The following POU2AF1 variants were observed in gnomAD, a reference collection of about 807,000 sequenced individuals.
POU2AF1 encodes POU domain class 2-associating factor 1.
Under a neutral mutation model 26.3 loss-of-function variants are expected in POU2AF1, and 12 were observed. That is an observed-to-expected ratio of 0.46 (90% CI 0.29 to 0.74). The LOEUF (loss-of-function observed/expected upper bound fraction) is 0.74, where lower values mean the gene tolerates loss of function less well. Among genes scored for constraint, POU2AF1 ranks in the 30% least tolerant of loss-of-function variants. POU2AF1 has a pLI of 0.09. For synonymous variants in POU2AF1, 175 were observed against 148.0 expected (o/e 1.18, Z -1.32); for missense variants, 297 against 334.5 (o/e 0.89, Z 0.87).
intron 1 of POU2AF1, among the ~76,000 whole-genome samples, chr11:111,361,079 T>C (rs1306549084): frequency 6.6e-6 from 1 of 152,138 alleles, no homozygotes; most frequent in Non-Finnish European, 1.5e-5. Context: ...TATTTTAACT[T>C]CCCCTGTCTG....
intron 1 of POU2AF1, among the ~76,000 whole-genome samples, chr11:111,374,280 A>G (rs1861267871): frequency 1.3e-5 from 2 of 152,170 alleles, no homozygotes; most frequent in African/African-American, 4.8e-5. Context: ...CATCAAGAAC[A>G]TCATCTGCTT....
intron 1 of POU2AF1, chr11:111,359,281 T>G (rs754365550): frequency 3.7e-6 from 1 of 268,156 alleles, no homozygotes; most frequent in African/African-American, 2.3e-5. Context: ...CCTCCTCATC[T>G]GTGGTTGAGG....
At chr11:111,362,956 C>G (rs2135122494) in intron 1 of POU2AF1, 1 of 195,850 alleles carries the variant, frequency 5.1e-6, no homozygotes, top group South Asian at 1.8e-4. Flanking sequence ...GTGGACACAC[C>G]ACACACTTGG....
chr11:111,376,566 C>CA (rs1480288177), intron 1 of POU2AF1, among the ~76,000 whole-genome samples: 1 of 152,168 alleles, frequency 6.6e-6, no homozygotes, highest in Non-Finnish European at 1.5e-5. Context: ...AACCAAAAGC[C>CA]AGGGTTCACA....
At chr11:111,377,773 C>T (rs1480786674) in intron 1 of POU2AF1, 2 of 182,590 alleles carry the variant, frequency 1.1e-5, no homozygotes, top group African/African-American at 4.7e-5. Flanking sequence ...TGAATGCCCA[C>T]CTGCTCTCAT....
chr11:111,376,835 G>T (rs748624749), intron 1 of POU2AF1, among the ~76,000 whole-genome samples: 4 of 152,106 alleles, frequency 2.6e-5, no homozygotes. Context: ...AGTCACCCAG[G>T]TGCCCTCTAT....
intron 1 of POU2AF1, among the ~76,000 whole-genome samples, chr11:111,360,420 G>C (rs1860983638): frequency 6.6e-6 from 1 of 152,182 alleles, no homozygotes; most frequent in African/African-American, 2.4e-5. Context: ...CTCCCTCCAG[G>C]CTCCAGCCAC....
chr11:111,364,977 T>C (rs1861077796), intron 1 of POU2AF1, among the ~76,000 whole-genome samples: 1 of 152,254 alleles, frequency 6.6e-6, no homozygotes, highest in South Asian at 2.1e-4. Context: ...TTCCTTGATT[T>C]AAGCAATATC....
rs1861043016 is a variant in POU2AF1, at chr11:111,363,153, A to G, written c.17-4235T>C. ...GGTGTGCCCTGGCACAACAGACCAT[A>G]TGTGGGGCAATCTCTAAGTCCCCAC... On this transcript the variant is annotated intron_variant, in intron 1 of 4. Coordinates refer to ENST00000393067, the MANE Select transcript of POU2AF1 (RefSeq NM_006235.3). The G allele has an allele frequency of 4.9e-6, 5 of 1,012,038 alleles. No homozygotes were observed. The South Asian group carries it at 2.3e-4, about 47-fold the overall frequency. 62.7% of individuals were successfully genotyped at this position (1,012,038 alleles called of 1,614,324 possible).
intron 1 of POU2AF1, among the ~76,000 whole-genome samples, chr11:111,360,971 A>C (rs1212181249): frequency 6.6e-6 from 1 of 151,758 alleles, no homozygotes; most frequent in African/African-American, 2.4e-5. Context: ...TCTGTCCAGT[A>C]TTTCTGAAAA....
chr11:111,358,729 GACAC>G, intron 2 of POU2AF1, 55 bp downstream of exon 2: 13 of 1,508,676 alleles, frequency 8.6e-6, no homozygotes, highest in Admixed American at 4.0e-5. Context: ...CACTATCCCT[GACAC>G]ACACATTCTC....
chr11:111,377,969 A>G (rs1471683513), intron 1 of POU2AF1: 1 of 168,594 alleles, frequency 5.9e-6, no homozygotes, highest in Admixed American at 6.4e-5. Flanking sequence ...TAAAAAATTG[A>G]CCTTTTGATA....
chr11:111,358,937 C>A lies in POU2AF1; in HGVS notation c.17-19G>T. ...GCTGTGGCTGTGAAAAGCAATGTCC[C>A]TGGAGCCCATGGTCCTTCTCAGACG... On this transcript the variant is annotated intron_variant, in intron 1 of 4. Transcript: ENST00000393067. The A allele has an allele frequency of 6.3e-7, 1 of 1,591,242 alleles. No homozygotes were observed. Among genetic ancestry groups the A allele is most frequent in the South Asian group, 1.1e-5 (1 of 88,022 alleles).
At chr11:111,377,964 A>G (rs1368152618) in intron 1 of POU2AF1, 1 of 169,412 alleles carries the variant, frequency 5.9e-6, no homozygotes, top group Non-Finnish European at 1.3e-5. Context: ...TTTTTTAAAA[A>G]ATTGACCTTT....
intron 4 of POU2AF1, 117 bp from the exon 5 acceptor site, chr11:111,354,692 A>C: frequency 3.2e-6 from 3 of 926,846 alleles, no homozygotes; most frequent in African/African-American, 1.7e-5. Flanking sequence ...CTGGTTTCTC[A>C]CTTCATGGGG....
chr11:111,359,225 A>G (rs749955877), intron 1 of POU2AF1: 9 of 411,446 alleles, frequency 2.2e-5, no homozygotes, highest in Non-Finnish European at 4.0e-5. Flanking sequence ...CCCTGTCTCC[A>G]ACCAGAAGGT....
intron 4 of POU2AF1, 34 bp downstream of exon 4, chr11:111,357,411 T>C (rs1463866837): frequency 6.2e-7 from 1 of 1,613,156 alleles, no homozygotes; most frequent in South Asian, 1.1e-5. Flanking sequence ...GCACTCAGCA[T>C]GGGCGGGTGC....
At chr11:111,358,374 ACT>A (rs147777787) in intron 2 of POU2AF1, among the ~76,000 whole-genome samples, 56,125 of 103,946 alleles carry the variant, frequency 0.54, 15,593 homozygotes, top group Admixed American at 0.65. Context: ...ACACTCACAC[ACT>A]CTCTCACACA....
chr11:111,373,706 T>C (rs1215180813), intron 1 of POU2AF1, among the ~76,000 whole-genome samples: 1 of 152,074 alleles, frequency 6.6e-6, no homozygotes, highest in African/African-American at 2.4e-5. Context: ...AGGTCTCTCA[T>C]CTAATTATCT....
Sources: gnomAD v4.1 joint callset for allele counts (sites outside exome capture counted in the v4.1 genomes callset) on GRCh38, gnomAD v4.1.1 for gene constraint, MANE v1.5 for transcripts, NCBI Gene and HGNC (gene_info 2026-07-23, HGNC 2026-07-21) for gene names.